The following CALN1 variants were observed in gnomAD, a reference collection of about 807,000 sequenced individuals.
CALN1 encodes calneuron 1.
Under a neutral mutation model 30.6 loss-of-function variants are expected in CALN1, and 17 were observed. The observed-to-expected ratio is 0.56, with a 90% CI of 0.38 to 0.83. The LOEUF (loss-of-function observed/expected upper bound fraction) is 0.83. Among genes scored for constraint, CALN1 ranks in the 40% least tolerant of loss-of-function variants. The probability of loss-of-function intolerance (pLI) is 0.00; values close to 1 mark genes in which losing one functional copy is unlikely to be tolerated. For missense variants in CALN1, 291 were observed against 354.9 expected, an observed-to-expected ratio of 0.82 and a Z score of 1.45; for synonymous variants, 156 against 131.4, an observed-to-expected ratio of 1.19 and a Z score of -1.28.
intron 5 of CALN1, among the ~76,000 whole-genome samples, chr7:71,952,257 T>C (rs1796729882): frequency 6.6e-6 from 1 of 152,188 alleles, no homozygotes; most frequent in African/African-American, 2.4e-5. Flanking sequence ...CTTTCATGCT[T>C]AGGGTCCTCC....
At chr7:71,927,823 T>A (rs1175573686) in intron 5 of CALN1, among the ~76,000 whole-genome samples, 1 of 152,172 alleles carries the variant, frequency 6.6e-6, no homozygotes. Flanking sequence ...CTCCTCTCTG[T>A]AGCAGCCAAA....
At chr7:72,317,457 T>C (rs1006610559) in intron 2 of CALN1, among the ~76,000 whole-genome samples, 4 of 152,190 alleles carry the variant, frequency 2.6e-5, no homozygotes, top group African/African-American at 7.2e-5. Flanking sequence ...GGATCTAATG[T>C]TGCAGTTTGG....
intron 4 of CALN1, among the ~76,000 whole-genome samples, chr7:72,030,810 C>T (rs920650751): frequency 6.6e-6 from 1 of 151,798 alleles, no homozygotes; most frequent in Non-Finnish European, 1.5e-5. Flanking sequence ...GCAGTGGTGC[C>T]ATCATAGCTC....
At chr7:72,256,689 C>T (rs1029775187) in intron 3 of CALN1, among the ~76,000 whole-genome samples, 1 of 152,056 alleles carries the variant, frequency 6.6e-6, no homozygotes, top group African/African-American at 2.4e-5. Context: ...TCACTGCAGC[C>T]TCAAACTCCT....
intron 4 of CALN1, among the ~76,000 whole-genome samples, chr7:72,048,132 C>A (rs1802598160): frequency 6.6e-6 from 1 of 151,530 alleles, no homozygotes; most frequent in Admixed American, 6.6e-5. Context: ...CTCCGCCTCC[C>A]AGGTTCAAGC....
chr7:72,023,799 C>G (rs1488106753), intron 4 of CALN1, 30 bp from the exon 5 acceptor site: 9 of 1,569,290 alleles, frequency 5.7e-6, no homozygotes, highest in Non-Finnish European at 7.9e-6. Flanking sequence ...ATATGAGTTG[C>G]AAACAAGCTG....
chr7:71,818,504 C>T (rs1055882698), intron 5 of CALN1, among the ~76,000 whole-genome samples: 2 of 151,906 alleles, frequency 1.3e-5, no homozygotes, highest in African/African-American at 4.8e-5. Context: ...CGGTGAAAAG[C>T]TTAATTGTAT....
Position 72,404,079 on chromosome 7 carries a change from CCT to C in CALN1, c.-73-639_-73-638del, listed in dbSNP as rs748827629. On this transcript the variant is annotated intron_variant, in intron 1 of 6. Coordinates refer to ENST00000395275, the MANE Select transcript of CALN1 (RefSeq NM_031468.4). Reference sequence around the variant, plus strand: ...ACCAAGTGGCAACATCCTCTTTCTACCTCTCTCTGGTATCGTTACCACCTACT... The same window carrying C: ...ACCAAGTGGCAACATCCTCTTTCTACCTCTCTGGTATCGTTACCACCTACT... Among the ~76,000 whole-genome samples the C allele has an allele frequency of 4.6e-5, 7 of 152,312 alleles. No individual in the cohort carries two copies. In the East Asian group the frequency reaches 5.8e-4, roughly 13 times the overall value.
chr7:72,447,912 A>G (rs1261801119), upstream of CALN1, among the ~76,000 whole-genome samples: 1 of 149,052 alleles, frequency 6.7e-6, no homozygotes, highest in Non-Finnish European at 1.5e-5. Flanking sequence ...CCATGTACAC[A>G]CATACACACA....
intron 5 of CALN1, among the ~76,000 whole-genome samples, chr7:71,878,494 C>T (rs562093628): frequency 2.0e-5 from 3 of 152,236 alleles, no homozygotes; most frequent in African/African-American, 7.2e-5. Flanking sequence ...TGGTACAGGG[C>T]TGTCTGAAGG....
intron 2 of CALN1, among the ~76,000 whole-genome samples, chr7:72,303,956 A>G (rs983149747): frequency 6.6e-6 from 1 of 152,198 alleles, no homozygotes; most frequent in African/African-American, 2.4e-5. Context: ...AATCATAGTA[A>G]TCATATTCAC....
intron 3 of CALN1, among the ~76,000 whole-genome samples, chr7:72,217,806 C>T (rs1287949863): frequency 2.0e-5 from 3 of 151,068 alleles, no homozygotes; most frequent in South Asian, 2.1e-4. Context: ...AGCGAGATCC[C>T]CCAACTCTAC....
At chr7:72,497,397 G>A in the CALN1 span, among the ~76,000 whole-genome samples, 5 of 152,098 alleles carry the variant, frequency 3.3e-5, no homozygotes, top group African/African-American at 1.2e-4. Context: ...CTGAGATCAC[G>A]CCACTGCACT....
intron 5 of CALN1, among the ~76,000 whole-genome samples, chr7:71,948,538 T>C (rs937544373): frequency 6.6e-6 from 1 of 151,986 alleles, no homozygotes; most frequent in South Asian, 2.1e-4. Flanking sequence ...CAGACTAGCC[T>C]GGCCAACACG....
chr7:72,102,115 C>T (rs551827427), intron 4 of CALN1, among the ~76,000 whole-genome samples: 2 of 152,254 alleles, frequency 1.3e-5, no homozygotes, highest in East Asian at 1.9e-4. Context: ...CCGCAACCTC[C>T]GCCTCCTGTG....
At position 72,114,531 on chromosome 7, in the gene CALN1, T is replaced by C. The variant is rs117636785; in HGVS notation, c.245-8237A>G. Among the ~76,000 whole-genome samples the C allele has an allele frequency of 3.1e-3, 475 of 152,014 alleles. 2 individuals are homozygous for C. Among genetic ancestry groups the C allele is most frequent in the Non-Finnish European group, 5.6e-3 (378 of 68,004 alleles). ...ATGGAAAATGGGGATAAAATGATGA[T>C]CGCTGCATAGAAAATGCTGGTTTAA... On this transcript the variant is annotated intron_variant, in intron 3 of 6. Transcript: ENST00000395275.
rs1294587823 is a variant in CALN1, at chr7:72,106,283, C to T, written c.256G>A (p.Ala86Thr). 1 of 1,613,884 alleles carries T rather than the reference C, an allele frequency of 6.2e-7. No homozygotes were observed. Among genetic ancestry groups the T allele is most frequent in the African/African-American group, 1.3e-5 (1 of 74,882 alleles). The change falls in exon 4 of 7, where the codon GCC (alanine) becomes ACC (threonine). Residue 86 changes from alanine to threonine, a missense_variant. Transcript: ENST00000395275. ...CCATCCCGGTCCAGAACCCGAAAGGCCTCTCGGATTTCTACAATGGAAAAG... is the reference window on the plus strand; with the variant it reads ...CCATCCCGGTCCAGAACCCGAAAGGTCTCTCGGATTTCTACAATGGAAAAG... ...SVEELDEIRE[A>T]FRVLDRDGNG...
intron 5 of CALN1, among the ~76,000 whole-genome samples, chr7:71,869,928 C>G (rs937093664): frequency 5.3e-5 from 8 of 152,144 alleles, no homozygotes; most frequent in African/African-American, 1.9e-4. Context: ...GACCAGATTC[C>G]TCAGGTTTCC....
chr7:72,402,875 G>C (rs1042373791), intron 2 of CALN1, among the ~76,000 whole-genome samples: 1 of 152,168 alleles, frequency 6.6e-6, no homozygotes, highest in Admixed American at 6.5e-5. Context: ...GTCGAAACGA[G>C]ATTAACAATA....
Sources: allele counts gnomAD v4.1 joint callset (sites outside exome capture counted in the v4.1 genomes callset), GRCh38; gene constraint gnomAD v4.1.1; transcripts MANE v1.5; gene names NCBI Gene and HGNC (gene_info 2026-07-23, HGNC 2026-07-21).